Variants in RYR1 observed in about 807,000 individuals in gnomAD.
RYR1 encodes central core disease of muscle.
Under a neutral mutation model 583.5 loss-of-function variants are expected in RYR1, and 342 were observed. The observed-to-expected ratio is 0.59, with a 90% CI of 0.54 to 0.64. The LOEUF (loss-of-function observed/expected upper bound fraction) is 0.64, where lower values mean the gene tolerates loss of function less well. RYR1 is among the 30% of genes least tolerant of loss of function. The probability of loss-of-function intolerance (pLI) is 0.00; values close to 1 mark genes in which losing one functional copy is unlikely to be tolerated. For synonymous variants in RYR1, 2,791 were observed against 2,822.5 expected, an observed-to-expected ratio of 0.99 and a Z score of 0.35; for missense variants, 6,032 against 6,917.2, an observed-to-expected ratio of 0.87 and a Z score of 4.54.
intron 27 of RYR1, among the ~76,000 whole-genome samples, chr19:38,472,469 G>T (rs1305415936): frequency 2.0e-5 from 3 of 152,150 alleles, no homozygotes; most frequent in African/African-American, 7.2e-5. Flanking sequence ...ATTAACAAGA[G>T]CGAGGTCTGG....
chr19:38,522,243 A>G (rs888437235), intron 67 of RYR1, among the ~76,000 whole-genome samples: 3 of 152,120 alleles, frequency 2.0e-5, no homozygotes, highest in African/African-American at 7.2e-5. Flanking sequence ...ATGTGTGTCT[A>G]TGTATTGCAT....
intron 97 of RYR1, among the ~76,000 whole-genome samples, chr19:38,577,231 C>T (rs1973998324): frequency 6.6e-6 from 1 of 152,086 alleles, no homozygotes; most frequent in Non-Finnish European, 1.5e-5. Context: ...TTCTGTACCT[C>T]ATACTCAAAG....
chr19:38,507,896 C>T (rs1970550874), intron 58 of RYR1, 69 bp downstream of exon 58: 3 of 908,020 alleles, frequency 3.3e-6, no homozygotes, highest in East Asian at 2.4e-5. Flanking sequence ...CCAGACTCAC[C>T]TAGGACACCT....
chr19:38,483,460 C>G lies in RYR1; in HGVS notation c.4878C>G (p.Ala1626=), dbSNP rs369466056. ...TRRAGERLGW[A]VQCQEPLTMM... is the part of the protein sequence containing the mutation. ...GTGCCGGCGAGCGGCTGGGCTGGGC[C>G]GTGCAGTGCCAGGAGCCGCTGACCA... The change falls in exon 33 of 106, where the codon GCC becomes GCG. Residue 1626 remains alanine, a synonymous_variant. Transcript: ENST00000359596. This position sits in a 1 kb window ranked among gnomAD's most constrained non-coding sequence, Gnocchi z 6.3. 5.2e-5 allele frequency: 82 copies of G among 1,568,394 alleles called. No individual in the cohort carries two copies. The African/African-American group carries it at 9.4e-4, about 18-fold the overall frequency.
At position 38,463,447 on chromosome 19, in the gene RYR1, C is replaced by T. The variant is rs138020885; in HGVS notation, c.2602C>T (p.Arg868Cys). The T allele has an allele frequency of 1.1e-5, 17 of 1,613,906 alleles. No individual in the cohort carries two copies. Among genetic ancestry groups the T allele is most frequent in the African/African-American group, 4.0e-5 (3 of 75,032 alleles). ...VQIVLPPHLERIREKLAENIH... is the reference protein window; with the variant it reads ...VQIVLPPHLECIREKLAENIH... ...GATTGTCCTGCCGCCCCATCTGGAG[C>T]GCATTCGGGAGAAGCTGGCGGAGAA... is the stretch of plus-strand genomic sequence containing the variant. The change falls in exon 21 of 106, where the codon CGC (arginine) becomes TGC (cysteine). Residue 868 changes from arginine (R) to cysteine (C), a missense_variant. This residue lies in a region of RYR1 where 2,627 missense variants were observed against 2,961.3 expected (regional missense o/e 0.89). Coordinates refer to ENST00000359596, the MANE Select transcript of RYR1 (RefSeq NM_000540.3).
Position 38,565,406 on chromosome 19 carries a change from C to T in RYR1, c.13072C>T (p.Leu4358Phe). Residue 4358 changes from leucine (L) to phenylalanine (F), a missense_variant, in exon 91 of 106, where the codon CTC (leucine) becomes TTC (phenylalanine). This residue lies in a region of RYR1 where 753 missense variants were observed against 759.6 expected (regional missense o/e 0.99). Coordinates refer to ENST00000359596, the MANE Select transcript of RYR1 (RefSeq NM_000540.3). This position sits in a 1 kb window ranked among gnomAD's most constrained non-coding sequence, Gnocchi z 4.7. Reference protein sequence around the residue: ...AGAAAGALGLLWGSLFGGGLV... With the variant: ...AGAAAGALGLFWGSLFGGGLV... ...GGCGGCGGCGGGCGCGCTGGGCCTG[C>T]TCTGGGGCTCGCTGTTCGGCGGCGG... The T allele has an allele frequency of 2.0e-6, 3 of 1,477,832 alleles. No individual in the cohort carries two copies. The highest frequency in any genetic ancestry group is 2.9e-5 in the East Asian group (1 of 34,100). The allele number at this position is 1,477,832 out of a possible 1,614,324, so 91.5% of individuals were successfully genotyped here. A position where few individuals can be genotyped will look rare whatever the true frequency, so the allele number is the denominator to read the frequency against.
chr19:38,473,348 G>A (rs1297912702), intron 27 of RYR1, 29 bp from the exon 28 acceptor site: 4 of 1,613,358 alleles, frequency 2.5e-6, no homozygotes, highest in African/African-American at 1.3e-5. Context: ...CGCCTGCCCA[G>A]CCCAGTACTC....
rs118192141 is a variant in RYR1 at position 38,575,959 on chromosome 19, A to C, written c.14170A>C (p.Lys4724Gln). The C allele has an allele frequency of 6.2e-7, 1 of 1,614,068 alleles. No individual in the cohort carries two copies. The highest frequency in any genetic ancestry group is 1.7e-5 in the Admixed American group (1 of 60,000). The change falls in exon 97 of 106, where the codon AAG becomes CAG. Residue 4724 changes from lysine (K) to glutamine (Q), a missense_variant and splice_region_variant. Lys to Gln is a moderately conservative substitution (Grantham distance 53). Around this residue, in one of 11 missense-constraint regions of RYR1, gnomAD observed 188 missense variants for 215.6 expected, o/e 0.87. Transcript: ENST00000359596. ...CTACTGGGACAAGTTTGTCAAGCGC[A>C]AGGTGAGAGGACATGGATGCCCTGG... ...SNYWDKFVKR[K>Q]VLDKHGDIYG...
chr19:38,559,389 A>C (rs1366432926), intron 89 of RYR1, among the ~76,000 whole-genome samples: 1 of 151,816 alleles, frequency 6.6e-6, no homozygotes, highest in Non-Finnish European at 1.5e-5. Flanking sequence ...ACGCACCATC[A>C]TGCCTAACTA....
rs978180266 is a variant in RYR1 at position 38,567,777 on chromosome 19, G to A, written c.13519G>A (p.Glu4507Lys). Residue 4507 changes from glutamate to lysine, a missense_variant, in exon 93 of 106, where the codon GAG becomes AAG. By Grantham distance (56) the Glu-to-Lys change is moderately conservative. Coordinates refer to ENST00000359596, the MANE Select transcript of RYR1 (RefSeq NM_000540.3). ...TCTCTCTGTCCTGCCCTGCAGTGCC[G>A]AGAATGGGGAGAAGGAAGAAGTTCC... is the stretch of plus-strand genomic sequence containing the variant. ...PELEPEKADAENGEKEEVPEP... is the reference protein window; with the variant it reads ...PELEPEKADAKNGEKEEVPEP... 1.5e-5 allele frequency: 24 copies of A among 1,614,138 alleles called. No homozygotes were observed. Among genetic ancestry groups the A allele is most frequent in the East Asian group, 2.2e-5 (1 of 44,886 alleles).
chr19:38,494,240 A>T (rs2145576880), intron 38 of RYR1, 112 bp from the exon 39 acceptor site: 1 of 1,280,546 alleles, frequency 7.8e-7, no homozygotes, highest in Non-Finnish European at 1.1e-6. Flanking sequence ...AGGTGGTAGT[A>T]ACTGGGAAAA....
chr19:38,573,462 A>G (rs887804808), intron 96 of RYR1, among the ~76,000 whole-genome samples, 155 bp downstream of exon 96: 1 of 152,050 alleles, frequency 6.6e-6, no homozygotes. Flanking sequence ...CGGGCGGATC[A>G]CGAGGTCAGG....
At position 38,543,493 on chromosome 19, in the gene RYR1, G is replaced by A. The variant is rs766418914; in HGVS notation, c.11779-39G>A. 3.1e-6 allele frequency: 5 copies of A among 1,614,130 alleles called. No homozygotes were observed. The highest frequency in any genetic ancestry group is 3.4e-6 in the Non-Finnish European group (4 of 1,179,982). Reference sequence around the variant, plus strand: ...GGTCGGGGGCTGCAGGGCCATGGTCGGCCCCAGCACCCCCTCACACCCTAC... The same window carrying A: ...GGTCGGGGGCTGCAGGGCCATGGTCAGCCCCAGCACCCCCTCACACCCTAC... On this transcript the variant is annotated intron_variant, in intron 85 of 105. Coordinates refer to ENST00000359596, the MANE Select transcript of RYR1 (RefSeq NM_000540.3). This position sits in a 1 kb window ranked among gnomAD's most constrained non-coding sequence, Gnocchi z 4.4.
intron 65 of RYR1, among the ~76,000 whole-genome samples, 158 bp from the exon 66 acceptor site, chr19:38,517,201 G>A (rs1971008923): frequency 6.6e-6 from 1 of 151,758 alleles, no homozygotes; most frequent in Non-Finnish European, 1.5e-5. Context: ...GTTGGGAGAG[G>A]TAGTTGGGTT....
intron 67 of RYR1, 38 bp downstream of exon 67, chr19:38,519,492 G>T: frequency 6.4e-7 from 1 of 1,564,756 alleles, no homozygotes. Flanking sequence ...CCTCCGCCCC[G>T]ACCTCCCACG....
intron 67 of RYR1, among the ~76,000 whole-genome samples, chr19:38,521,712 A>G (rs928279167): frequency 1.5e-4 from 23 of 148,978 alleles, no homozygotes; most frequent in Non-Finnish European, 3.3e-4. Flanking sequence ...AGAAAAAAAG[A>G]AAATTTTTTT....
intron 17 of RYR1, 78 bp from the exon 18 acceptor site, chr19:38,457,973 C>T (rs1213908081): frequency 6.9e-7 from 1 of 1,457,416 alleles, no homozygotes; most frequent in Non-Finnish European, 9.6e-7. Context: ...GGATGTCTGT[C>T]TCTCTCTGGC....
chr19:38,465,977 A>C, intron 23 of RYR1, 114 bp from the exon 24 acceptor site: 1 of 995,684 alleles, frequency 1.0e-6, no homozygotes, highest in Non-Finnish European at 1.5e-6. Context: ...CATTATATCA[A>C]AGGTCAGAAA....
chr19:38,447,347 G>T (rs1384107980), intron 9 of RYR1, among the ~76,000 whole-genome samples: 2 of 144,166 alleles, frequency 1.4e-5, no homozygotes, highest in Non-Finnish European at 3.0e-5. Flanking sequence ...TCCAGACCAG[G>T]CTGGCTAACG....
Sources: gnomAD v4.1 joint callset for allele counts (sites outside exome capture counted in the v4.1 genomes callset) on GRCh38, gnomAD v4.1.1 for gene constraint, gnomAD v4.1.1 regional missense constraint, Gnocchi (gnomAD v3.1) non-coding constraint, MANE v1.5 for transcripts, NCBI Gene and HGNC (gene_info 2026-07-23, HGNC 2026-07-21) for gene names.